Variants in TENM1 observed in about 807,000 individuals in gnomAD.
TENM1 encodes teneurin-1.
A neutral mutation model predicts 174.8 loss-of-function variants in TENM1; 35 were observed. That is an observed-to-expected ratio of 0.20 (90% CI 0.15 to 0.27). The LOEUF is 0.27. TENM1 is among the 10% of genes least tolerant of loss of function. The probability of loss-of-function intolerance (pLI) is 1.00; values close to 1 mark genes in which losing one functional copy is unlikely to be tolerated. For missense variants in TENM1, 1,633 were observed against 2,130.1 expected (o/e 0.77, Z 4.59); for synonymous variants, 781 against 798.7 (o/e 0.98, Z 0.37).
At chrX:124,646,652 G>C in intron 9 of TENM1, 57 bp downstream of exon 12, 1 of 853,597 alleles carries the variant, frequency 1.2e-6, no homozygotes, top group African/African-American at 2.0e-5. Context: ...TACTAATTCT[G>C]GGTTATGAAA....
At chrX:125,049,717 ATCC>A in the TENM1 span, among the ~76,000 whole-genome samples, 1 of 111,383 alleles carries the variant, frequency 9.0e-6, no homozygotes, top group Non-Finnish European at 1.9e-5. Context: ...TATTATAGCC[ATCC>A]TCCTATGTGT....
intron 30 of TENM1, among the ~76,000 whole-genome samples, chrX:124,383,345 T>C (rs2060182055): frequency 8.9e-6 from 1 of 112,026 alleles, no homozygotes; most frequent in South Asian, 3.7e-4. Context: ...TATCAGCTTA[T>C]ATGATGAAAC....
chrX:124,390,223 A>G (rs2060268233), intron 28 of TENM1, among the ~76,000 whole-genome samples: 1 of 112,713 alleles, frequency 8.9e-6, no homozygotes, highest in Non-Finnish European at 1.9e-5. Context: ...AATTCGGAAA[A>G]GAGAAACAAT....
intron 7 of TENM1, 112 bp downstream of exon 10, chrX:124,653,472 A>C: frequency 1.8e-6 from 1 of 558,757 alleles, no homozygotes; most frequent in Non-Finnish European, 2.9e-6. Context: ...CATGACAAAT[A>C]TTTTTCTGTC....
chrX:125,097,473 GC>G, the TENM1 span, among the ~76,000 whole-genome samples: 1 of 111,501 alleles, frequency 9.0e-6, no homozygotes, highest in Non-Finnish European at 1.9e-5. Context: ...TTTTATTTCT[GC>G]AAATTCAAGC....
intron 10 of TENM1, among the ~76,000 whole-genome samples, chrX:124,644,204 C>CATATATATATATAT (rs1489841676): frequency 4.1e-5 from 4 of 98,186 alleles, no homozygotes; most frequent in African/African-American, 1.5e-4. Flanking sequence ...TATAAATTTA[C>CATATATATATATAT]ATATACATAT....
intron 11 of TENM1, among the ~76,000 whole-genome samples, chrX:124,570,418 C>T (rs757005042): frequency 3.6e-4 from 40 of 111,253 alleles, no homozygotes; most frequent in African/African-American, 1.3e-3. Context: ...CAGTCTTTCT[C>T]ATGAAGATCT....
At chrX:124,387,223 C>T (rs929165462) in intron 28 of TENM1, among the ~76,000 whole-genome samples, 1 of 109,925 alleles carries the variant, frequency 9.1e-6, no homozygotes, top group Non-Finnish European at 1.9e-5. Flanking sequence ...AGCCCCTCTC[C>T]CCCAAACTGA....
At chrX:124,641,928 G>A in exon 11 of TENM1, 1 of 1,211,329 alleles carries the variant, frequency 8.3e-7, no homozygotes, top group Non-Finnish European at 1.1e-6. Flanking sequence ...CCAGCCAGTA[G>A]AACAGTGACA....
intron 3 of TENM1, among the ~76,000 whole-genome samples, chrX:124,887,359 G>C (rs1162844911): frequency 9.0e-6 from 1 of 111,229 alleles, no homozygotes; most frequent in Non-Finnish European, 1.9e-5. Flanking sequence ...ACTTTTTGTA[G>C]TATGTGATCC....
At chrX:124,482,861 G>T (rs939611619) in intron 21 of TENM1, among the ~76,000 whole-genome samples, 9 of 111,856 alleles carry the variant, frequency 8.0e-5, no homozygotes, top group African/African-American at 2.6e-4. Context: ...TGAACCTAAG[G>T]TTTGTGTAAT....
the TENM1 span, among the ~76,000 whole-genome samples, chrX:125,120,208 T>G: frequency 0.095 from 8,441 of 89,210 alleles, 812 homozygotes; most frequent in African/African-American, 0.3. Context: ...ACATTTCCTA[T>G]TTTTTTTACC....
the TENM1 span, among the ~76,000 whole-genome samples, chrX:125,018,316 C>T: frequency 2.7e-5 from 3 of 111,240 alleles, no homozygotes; most frequent in African/African-American, 9.8e-5. Context: ...AATGATTTGG[C>T]TTGAGAGCAT....
chrX:124,908,654 A>G (rs1200554608), intron 1 of TENM1, among the ~76,000 whole-genome samples: 2 of 110,755 alleles, frequency 1.8e-5, no homozygotes, highest in Non-Finnish European at 1.9e-5. Flanking sequence ...TGTTCTCAGA[A>G]CTTAAAGTAA....
At chrX:124,469,023 T>C (rs2061270860) in intron 22 of TENM1, among the ~76,000 whole-genome samples, 2 of 111,748 alleles carry the variant, frequency 1.8e-5, no homozygotes, top group Admixed American at 1.9e-4. Context: ...GTCTTATGCA[T>C]GTGTGTACTT....
chrX:125,001,852 T>TAC, the TENM1 span, among the ~76,000 whole-genome samples: 7,258 of 84,822 alleles, frequency 0.086, 357 homozygotes, highest in Middle Eastern at 0.16. Flanking sequence ...TATAGATAGA[T>TAC]ACACACACAC....
intron 1 of TENM1, among the ~76,000 whole-genome samples, chrX:124,933,718 G>T (rs761005618): frequency 8.9e-6 from 1 of 111,851 alleles, no homozygotes; most frequent in Non-Finnish European, 1.9e-5. Context: ...GCACTTTAAA[G>T]GCATACATTT....
At chrX:124,573,593 T>A (rs1341000780) in intron 11 of TENM1, among the ~76,000 whole-genome samples, 1 of 111,875 alleles carries the variant, frequency 8.9e-6, no homozygotes, top group Non-Finnish European at 1.9e-5. Flanking sequence ...AACCTAACTC[T>A]TACACAATAC....
chrX:125,025,370 T>G, the TENM1 span, among the ~76,000 whole-genome samples: 2 of 111,719 alleles, frequency 1.8e-5, no homozygotes, highest in African/African-American at 6.5e-5. Flanking sequence ...GAAATTCAAA[T>G]TAACTCATTC....
Sources: gnomAD v4.1 joint callset for allele counts (sites outside exome capture counted in the v4.1 genomes callset) on GRCh38, gnomAD v4.1.1 for gene constraint, MANE v1.5 for transcripts, NCBI Gene and HGNC (gene_info 2026-07-23, HGNC 2026-07-21) for gene names.